The following ADGRL3 variants were observed in gnomAD, a reference collection of about 807,000 sequenced individuals.
The protein encoded by ADGRL3 is calcium-independent alpha-latrotoxin receptor 3.
In ADGRL3, 62 loss-of-function variants were observed where a neutral mutation model predicts 153.5. The observed-to-expected ratio is 0.40, with a 90% CI of 0.33 to 0.50. ADGRL3 has a LOEUF of 0.50. ADGRL3 is among the 20% of genes least tolerant of loss of function. ADGRL3 has a pLI of 0.47. For missense variants in ADGRL3, 1,641 were observed against 1,859.4 expected (o/e 0.88, Z 2.16); for synonymous variants, 710 against 672.5 (o/e 1.06, Z -0.86).
intron 11 of ADGRL3, among the ~76,000 whole-genome samples, chr4:61,907,183 T>A (rs1446765449): frequency 6.6e-6 from 1 of 152,120 alleles, no homozygotes; most frequent in Non-Finnish European, 1.5e-5. Flanking sequence ...ATAGACAGTA[T>A]AGGATGTTCC....
intron 1 of ADGRL3, among the ~76,000 whole-genome samples, chr4:61,379,387 A>G (rs1418896312): frequency 6.6e-6 from 1 of 152,042 alleles, no homozygotes; most frequent in African/African-American, 2.4e-5. Flanking sequence ...AAATCATAAA[A>G]TTATATTAGT....
intron 8 of ADGRL3, among the ~76,000 whole-genome samples, chr4:61,778,406 G>A (rs1026973697): frequency 6.6e-6 from 1 of 152,042 alleles, no homozygotes; most frequent in African/African-American, 2.4e-5. Flanking sequence ...TTGTTTGTAA[G>A]GACAAACGTG....
At chr4:61,956,321 G>A (rs751517812) in intron 17 of ADGRL3, among the ~76,000 whole-genome samples, 1 of 151,780 alleles carries the variant, frequency 6.6e-6, no homozygotes, top group Non-Finnish European at 1.5e-5. Flanking sequence ...ATGTTTGTTG[G>A]CTGCGTAAAT....
rs1174232668 is a variant in ADGRL3 at position 61,779,633 on chromosome 4, CAAAAAAAAAAAA to C, written c.1400-34160_1400-34149del. On this transcript the variant is annotated intron_variant, in intron 8 of 26. Coordinates refer to ENST00000683033, the MANE Select transcript of ADGRL3 (RefSeq NM_001387552.1). ...TCGGTGCTGCAGTAAGACTCTGTCT[CAAAAAAAAAAAA>C]AAAAAAAAAAAAAAAGGGAGAGAAT... 4.1e-3 allele frequency among the ~76,000 whole-genome samples: 171 copies of C among 42,094 alleles called. 3 individuals are homozygous for C. The East Asian group carries it at 0.16, about 40-fold the overall frequency. 27.6% of individuals were successfully genotyped at this position (42,094 alleles called of 152,430 possible).
intron 8 of ADGRL3, among the ~76,000 whole-genome samples, chr4:61,758,771 G>A (rs752175718): frequency 2.8e-4 from 43 of 152,290 alleles, no homozygotes; most frequent in Non-Finnish European, 4.7e-4. Context: ...TTTCTTCCTA[G>A]TCTTGATGGT....
chr4:61,721,049 C>T (rs1219047183), intron 6 of ADGRL3, among the ~76,000 whole-genome samples: 1 of 152,040 alleles, frequency 6.6e-6, no homozygotes, highest in Non-Finnish European at 1.5e-5. Flanking sequence ...AGTGTAAATG[C>T]TAAATAAGTA....
intron 2 of ADGRL3, among the ~76,000 whole-genome samples, chr4:61,417,218 G>T (rs11930313): frequency 6.6e-6 from 1 of 151,912 alleles, no homozygotes; most frequent in Non-Finnish European, 1.5e-5. Context: ...ACAAGACCGG[G>T]GGTGGTGGCT....
At chr4:61,846,719 A>G (rs890969411) in intron 9 of ADGRL3, among the ~76,000 whole-genome samples, 1 of 151,952 alleles carries the variant, frequency 6.6e-6, no homozygotes, top group Non-Finnish European at 1.5e-5. Context: ...GTCGTACAGG[A>G]AACATGGTGC....
chr4:61,440,010 G>A (rs920629884), intron 2 of ADGRL3, among the ~76,000 whole-genome samples: 3 of 151,754 alleles, frequency 2.0e-5, no homozygotes, highest in Non-Finnish European at 4.4e-5. Flanking sequence ...TGTGCTATAC[G>A]TATCTGTGCT....
chr4:61,925,069 A>G (rs537409207), intron 13 of ADGRL3, among the ~76,000 whole-genome samples: 46 of 152,322 alleles, frequency 3.0e-4, no homozygotes, highest in African/African-American at 1.1e-3. Context: ...GTAATGATAT[A>G]CAATTGTACT....
intron 1 of ADGRL3, among the ~76,000 whole-genome samples, chr4:61,344,982 G>C (rs2095871929): frequency 6.7e-6 from 1 of 149,656 alleles, no homozygotes; most frequent in African/African-American, 2.5e-5. Flanking sequence ...TTTTTTAGTA[G>C]AGACAGGGTT....
chr4:61,346,006 G>A (rs2095894636), intron 1 of ADGRL3, among the ~76,000 whole-genome samples: 1 of 152,124 alleles, frequency 6.6e-6, no homozygotes, highest in Non-Finnish European at 1.5e-5. Context: ...ACCTTTTCAA[G>A]GGCTTAGTAC....
At chr4:61,466,738 A>G (rs1437416851) in intron 2 of ADGRL3, among the ~76,000 whole-genome samples, 1 of 152,176 alleles carries the variant, frequency 6.6e-6, no homozygotes, top group Non-Finnish European at 1.5e-5. Flanking sequence ...TGATTAAACC[A>G]ATAATACTTT....
chr4:61,476,732 A>C (rs1226061675), intron 2 of ADGRL3, among the ~76,000 whole-genome samples: 50 of 148,340 alleles, frequency 3.4e-4, no homozygotes, highest in African/African-American at 1.0e-3. Flanking sequence ...AAAAAAAAAA[A>C]AAAAAACAAA....
chr4:61,887,823 A>G (rs1010373779), intron 9 of ADGRL3, among the ~76,000 whole-genome samples: 1 of 152,190 alleles, frequency 6.6e-6, no homozygotes, highest in African/African-American at 2.4e-5. Context: ...CCAGCTTGGC[A>G]ACAGAGTGAG....
intron 9 of ADGRL3, among the ~76,000 whole-genome samples, chr4:61,864,435 T>C (rs1001124776): frequency 2.6e-5 from 4 of 151,302 alleles, no homozygotes; most frequent in Admixed American, 2.6e-4. Context: ...ATGTCAAACA[T>C]AAAACCTTGG....
intron 8 of ADGRL3, among the ~76,000 whole-genome samples, chr4:61,752,465 G>A (rs188311972): frequency 1.3e-5 from 2 of 151,900 alleles, no homozygotes; most frequent in Non-Finnish European, 2.9e-5. Flanking sequence ...CTGGAGAAAT[G>A]TTGGCAAGTT....
intron 8 of ADGRL3, among the ~76,000 whole-genome samples, chr4:61,763,190 C>CTTTTT (rs771693851): frequency 7.3e-6 from 1 of 137,274 alleles, no homozygotes; most frequent in Non-Finnish European, 1.6e-5. Context: ...AGTAACATTT[C>CTTTTT]TTTTTTTTTT....
At chr4:61,839,654 A>C (rs1397214339) in intron 9 of ADGRL3, among the ~76,000 whole-genome samples, 1 of 151,784 alleles carries the variant, frequency 6.6e-6, no homozygotes. Context: ...AAGACATGTG[A>C]AAAGGCCAGC....
Sources: gnomAD v4.1 joint callset for allele counts (sites outside exome capture counted in the v4.1 genomes callset) on GRCh38, gnomAD v4.1.1 for gene constraint, MANE v1.5 for transcripts, NCBI Gene and HGNC (gene_info 2026-07-23, HGNC 2026-07-21) for gene names.